The following CHMP4B variants were observed in gnomAD, a reference collection of about 807,000 sequenced individuals.
CHMP4B encodes the protein charged multivesicular body protein 4B.
CHMP4B carries 1 observed loss-of-function variant against 25.1 expected under a neutral mutation model. That is an observed-to-expected ratio of 0.04 (90% CI 0.01 to 0.19). CHMP4B has a LOEUF of 0.19. Among genes scored for constraint, CHMP4B ranks in the 10% least tolerant of loss-of-function variants. CHMP4B has a pLI of 1.00. For synonymous variants in CHMP4B, 101 were observed against 115.6 expected (o/e 0.87, Z 0.81); for missense variants, 151 against 289.7 (o/e 0.52, Z 3.48).
intron 1 of CHMP4B, among the ~76,000 whole-genome samples, chr20:33,832,863 C>G (rs1432761828): frequency 6.6e-6 from 1 of 150,888 alleles, no homozygotes; most frequent in East Asian, 1.9e-4. Context: ...ACTGTAACCT[C>G]AAACTCCTGG....
In CHMP4B at chr20:33,832,956, A is replaced by ATT. The variant is rs113338093; in HGVS notation, c.191-15499_191-15498dup. On this transcript the variant is annotated intron_variant, in intron 1 of 4. Transcript: ENST00000217402. ...ACCATGCCTGGCTAATTAAAAAAAA[A>ATT]TTTTTTTTTTTTTGTAGAGACAGGG... Among the ~76,000 whole-genome samples the ATT allele has an allele frequency of 5.0e-4, 74 of 147,664 alleles. 1 individual carries two copies. In the Middle Eastern group the frequency reaches 0.017, roughly 35 times the overall value.
intron 1 of CHMP4B, among the ~76,000 whole-genome samples, chr20:33,823,298 G>C (rs1372588261): frequency 6.6e-6 from 1 of 152,146 alleles, no homozygotes; most frequent in Non-Finnish European, 1.5e-5. Context: ...TCGAGGTTCA[G>C]ATTATATGAG....
intron 2 of CHMP4B, among the ~76,000 whole-genome samples, chr20:33,849,339 C>T (rs1979775793): frequency 6.6e-6 from 1 of 152,182 alleles, no homozygotes; most frequent in Admixed American, 6.5e-5. Flanking sequence ...TGGCTCACGC[C>T]TATAATTCCA....
intron 1 of CHMP4B, among the ~76,000 whole-genome samples, chr20:33,839,281 A>C (rs768188902): frequency 6.6e-6 from 1 of 152,238 alleles, no homozygotes; most frequent in Non-Finnish European, 1.5e-5. Flanking sequence ...GGCAGGGTCA[A>C]GTTGGGCGTT....
intron 1 of CHMP4B, among the ~76,000 whole-genome samples, chr20:33,815,690 A>G (rs187573355): frequency 5.9e-5 from 9 of 152,368 alleles, no homozygotes; most frequent in Admixed American, 4.6e-4. Flanking sequence ...GTTAATGGTC[A>G]GCATTTGTTA....
chr20:33,817,910 T>G lies in CHMP4B; in HGVS notation c.190+6252T>G, dbSNP rs79732241. Among the ~76,000 whole-genome samples the G allele has an allele frequency of 7.5e-3, 1,147 of 152,356 alleles. 13 individuals are homozygous for G. Among genetic ancestry groups the G allele is most frequent in the African/African-American group, 0.026 (1,093 of 41,582 alleles). On this transcript the variant is annotated intron_variant, in intron 1 of 4. Coordinates refer to ENST00000217402, the MANE Select transcript of CHMP4B (RefSeq NM_176812.5). ...TTGGCTCAAGTCAGCAATCATTTAT[T>G]ACGTTTCTTCTAGGTGGAAGGTGTG...
intron 4 of CHMP4B, among the ~76,000 whole-genome samples, chr20:33,852,987 G>A (rs539206322): frequency 4.6e-5 from 7 of 152,314 alleles, no homozygotes; most frequent in African/African-American, 1.7e-4. Context: ...CCTGGGGGCA[G>A]TGCATGACCA....
At chr20:33,841,967 T>TACTAG (rs1979554989) in intron 1 of CHMP4B, among the ~76,000 whole-genome samples, 1 of 152,114 alleles carries the variant, frequency 6.6e-6, no homozygotes, top group South Asian at 2.1e-4. Flanking sequence ...GAAACCTGGG[T>TACTAG]ACTAGTCCTG....
intron 1 of CHMP4B, among the ~76,000 whole-genome samples, chr20:33,813,322 T>C (rs2122778226): frequency 6.6e-6 from 1 of 152,202 alleles, no homozygotes; most frequent in South Asian, 2.1e-4. Flanking sequence ...AACCTGTTGG[T>C]GAAGAGTTTG....
At chr20:33,817,273 A>G (rs375583757) in intron 1 of CHMP4B, among the ~76,000 whole-genome samples, 10 of 152,230 alleles carry the variant, frequency 6.6e-5, no homozygotes, top group African/African-American at 2.4e-4. Flanking sequence ...CCTAAGACAG[A>G]TGGAGTACCA....
intron 1 of CHMP4B, among the ~76,000 whole-genome samples, chr20:33,828,337 G>T (rs112203706): frequency 8.4e-4 from 128 of 152,204 alleles, no homozygotes; most frequent in Non-Finnish European, 1.6e-3. Context: ...GAATTCTACT[G>T]TAGCCTCACC....
Position 33,845,049 on chromosome 20 carries a change from G to A in CHMP4B, c.191-3418G>A, listed in dbSNP as rs563369306. On this transcript the variant is annotated intron_variant, in intron 1 of 4. Coordinates refer to ENST00000217402, the MANE Select transcript of CHMP4B (RefSeq NM_176812.5). ...GCTGGGACTACAGGTGTGAGCCACC[G>A]CGCCCGGCCGAGTGTTTGCTCTTAT... Among the ~76,000 whole-genome samples the A allele has an allele frequency of 1.8e-3, 269 of 151,962 alleles. 3 individuals carry two copies. Among genetic ancestry groups the A allele is most frequent in the Middle Eastern group, 3.4e-3 (1 of 294 alleles).
intron 1 of CHMP4B, among the ~76,000 whole-genome samples, chr20:33,844,918 C>T (rs2122810686): frequency 6.6e-6 from 1 of 152,184 alleles, no homozygotes; most frequent in South Asian, 2.1e-4. Context: ...GCCACCACAC[C>T]CGGCTAATTT....
intron 3 of CHMP4B, among the ~76,000 whole-genome samples, chr20:33,851,821 T>C (rs1265698422): frequency 6.6e-6 from 1 of 152,176 alleles, no homozygotes; most frequent in African/African-American, 2.4e-5. Flanking sequence ...GGCAAAGATA[T>C]GATCCCCTCT....
intron 1 of CHMP4B, among the ~76,000 whole-genome samples, chr20:33,818,237 C>T (rs1306441092): frequency 6.6e-6 from 1 of 152,190 alleles, no homozygotes; most frequent in African/African-American, 2.4e-5. Context: ...CAAGGGCCCA[C>T]ACAGTTCATC....
chr20:33,839,561 GTT>G (rs1979478650), intron 1 of CHMP4B, among the ~76,000 whole-genome samples: 1 of 152,156 alleles, frequency 6.6e-6, no homozygotes, highest in African/African-American at 2.4e-5. Flanking sequence ...CCAGGTAGAG[GTT>G]TTTACTGCAT....
At chr20:33,816,467 A>T (rs1268671705) in intron 1 of CHMP4B, among the ~76,000 whole-genome samples, 2 of 152,182 alleles carry the variant, frequency 1.3e-5, no homozygotes, top group African/African-American at 4.8e-5. Flanking sequence ...ACTGGATAGA[A>T]ACCAAGATCA....
At chr20:33,852,254 CTTGTGGTCGGTTGGCTTTGGT>C (rs763096574) in intron 4 of CHMP4B, 51 bp downstream of exon 4, 611 of 1,611,286 alleles carry the variant, frequency 3.8e-4, no homozygotes, top group Non-Finnish European at 4.2e-4. Context: ...GGCAGGTGAT[CTTGTGGTCGGTTGGCTTTGGT>C]TTGTGGTCGG....
At position 33,811,403 on chromosome 20, in the gene CHMP4B, CCCGAGCCGAGCCGAG is replaced by C. The variant is rs1008712701; in HGVS notation, c.-52_-38del. On this transcript the variant is annotated 5_prime_UTR_variant, in exon 1 of 5. Coordinates refer to ENST00000217402, the MANE Select transcript of CHMP4B (RefSeq NM_176812.5). ...GACTGGGAGCGGGCGCCGGAGCCGA[CCCGAGCCGAGCCGAG>C]CCGAGCCGAGCCGGAGCGGGCGGCG... The C allele has an allele frequency of 6.8e-4, 904 of 1,330,456 alleles. No individual in the cohort carries two copies. Among genetic ancestry groups the C allele is most frequent in the Non-Finnish European group, 8.2e-4 (844 of 1,034,744 alleles). The allele number at this position is 1,330,456 out of a possible 1,614,324, so 82.4% of individuals were successfully genotyped here.
Sources: gnomAD v4.1 joint callset for allele counts (sites outside exome capture counted in the v4.1 genomes callset) on GRCh38, gnomAD v4.1.1 for gene constraint, MANE v1.5 for transcripts, NCBI Gene and HGNC (gene_info 2026-07-23, HGNC 2026-07-21) for gene names.